NRF1: variants seen among roughly 807,000 people sequenced by gnomAD.
NRF1 encodes alpha palindromic-binding protein.
Under a neutral mutation model 58.5 loss-of-function variants are expected in NRF1, and 5 were observed. The observed-to-expected ratio is 0.09, with a 90% confidence interval of 0.04 to 0.18. The LOEUF (loss-of-function observed/expected upper bound fraction) is 0.18. NRF1 is among the 10% of genes least tolerant of loss of function. The probability of loss-of-function intolerance (pLI) is 1.00; values close to 1 mark genes in which losing one functional copy is unlikely to be tolerated. For synonymous variants in NRF1, 224 were observed against 246.7 expected (o/e 0.91, Z 0.86); for missense variants, 288 against 657.7 (o/e 0.44, Z 6.15).
At chr7:129,754,498 A>T (rs1804204740) in intron 10 of NRF1, among the ~76,000 whole-genome samples, 1 of 147,334 alleles carries the variant, frequency 6.8e-6, no homozygotes, top group Admixed American at 6.9e-5. Context: ...AAATGGAAAA[A>T]AGTTGATTTC....
chr7:129,661,273 C>T (rs968876859), intron 2 of NRF1, among the ~76,000 whole-genome samples: 2 of 151,314 alleles, frequency 1.3e-5, no homozygotes, highest in African/African-American at 4.9e-5. Context: ...GCCCTGGAGA[C>T]ATTTTTTCCA....
At chr7:129,708,524 G>A (rs1335334263) in intron 5 of NRF1, among the ~76,000 whole-genome samples, 1 of 152,150 alleles carries the variant, frequency 6.6e-6, no homozygotes, top group East Asian at 1.9e-4. Flanking sequence ...TTAAAGGCCT[G>A]TTTGTTTTCC....
intron 9 of NRF1, among the ~76,000 whole-genome samples, chr7:129,720,906 T>A (rs879325030): frequency 2.6e-5 from 4 of 152,002 alleles, no homozygotes; most frequent in African/African-American, 9.7e-5. Context: ...ATCAGCACTT[T>A]TGGAAAGGAG....
At position 129,614,058 on chromosome 7, in the gene NRF1, C is replaced by A. The variant is rs1374105379; in HGVS notation, c.-7+2234C>A. Among the ~76,000 whole-genome samples the A allele has an allele frequency of 4.2e-4, 64 of 152,170 alleles. 1 individual carries two copies. The highest frequency in any genetic ancestry group is 4.4e-5 in the Non-Finnish European group (3 of 68,036). The stretch of plus-strand genomic sequence containing the variant: ...GCTTAGTAGTCAGTGGTCATAGTCT[C>A]CTGTAACAAAGAAAAGTTCTTATCC... On this transcript the variant is annotated intron_variant, in intron 1 of 10. Transcript: ENST00000393232.
intron 2 of NRF1, among the ~76,000 whole-genome samples, chr7:129,665,746 T>G (rs1385793362): frequency 6.6e-6 from 1 of 152,098 alleles, no homozygotes; most frequent in Non-Finnish European, 1.5e-5. Context: ...CACCTCATCC[T>G]CGTGGACAGG....
At chr7:129,723,164 C>G (rs1051089908) in intron 9 of NRF1, among the ~76,000 whole-genome samples, 2 of 151,968 alleles carry the variant, frequency 1.3e-5, no homozygotes, top group African/African-American at 4.8e-5. Flanking sequence ...AATTTCCAGG[C>G]CGGGTGCGGT....
intron 8 of NRF1, among the ~76,000 whole-genome samples, chr7:129,713,250 C>T (rs1803117623): frequency 2.0e-5 from 3 of 151,932 alleles, no homozygotes; most frequent in Admixed American, 1.3e-4. Flanking sequence ...ACCACCATGC[C>T]CAGCTAATTT....
intron 4 of NRF1, among the ~76,000 whole-genome samples, chr7:129,678,105 G>A (rs1802225382): frequency 6.6e-6 from 1 of 152,042 alleles, no homozygotes; most frequent in Non-Finnish European, 1.5e-5. Flanking sequence ...TAATTCCAAG[G>A]TGTCAACTTC....
intron 1 of NRF1, among the ~76,000 whole-genome samples, chr7:129,651,453 G>A (rs1259351452): frequency 4.7e-5 from 7 of 150,442 alleles, no homozygotes; most frequent in African/African-American, 7.3e-5. Context: ...AGAGGCCAAA[G>A]AATGGGAGAG....
chr7:129,616,469 A>G (rs1800662181), intron 1 of NRF1, among the ~76,000 whole-genome samples: 1 of 152,224 alleles, frequency 6.6e-6, no homozygotes, highest in Admixed American at 6.5e-5. Flanking sequence ...GTATGGTGGC[A>G]TATGCCTATA....
At chr7:129,745,733 TG>T (rs1237349837) in intron 10 of NRF1, among the ~76,000 whole-genome samples, 2 of 152,124 alleles carry the variant, frequency 1.3e-5, no homozygotes, top group African/African-American at 4.8e-5. Context: ...TAAACCATGG[TG>T]GTTCTGAATA....
At chr7:129,691,131 C>T (rs1019037993) in intron 5 of NRF1, among the ~76,000 whole-genome samples, 15 of 152,058 alleles carry the variant, frequency 9.9e-5, no homozygotes, top group Non-Finnish European at 2.1e-4. Flanking sequence ...TCAAGCGATC[C>T]TCCTGCCTCA....
intron 10 of NRF1, among the ~76,000 whole-genome samples, chr7:129,729,275 G>A (rs909967017): frequency 4.6e-5 from 7 of 152,120 alleles, no homozygotes; most frequent in Admixed American, 2.0e-4. Flanking sequence ...AAGTAGAACC[G>A]TTCAGCCATA....
intron 4 of NRF1, among the ~76,000 whole-genome samples, chr7:129,688,613 G>A (rs1408013199): frequency 1.3e-5 from 2 of 152,052 alleles, no homozygotes; most frequent in Non-Finnish European, 2.9e-5. Flanking sequence ...GTTCCACATG[G>A]CTAGGGAGGC....
chr7:129,663,261 C>T (rs186704959), intron 2 of NRF1, among the ~76,000 whole-genome samples: 27 of 152,326 alleles, frequency 1.8e-4, no homozygotes, highest in Admixed American at 4.6e-4. Context: ...TCTCGATGGT[C>T]GCTGTCTCTT....
intron 5 of NRF1, among the ~76,000 whole-genome samples, chr7:129,703,754 G>A (rs1046568015): frequency 6.6e-6 from 1 of 152,166 alleles, no homozygotes; most frequent in South Asian, 2.1e-4. Context: ...TAAAAGCTAT[G>A]ATCTGCTCCT....
intron 5 of NRF1, among the ~76,000 whole-genome samples, chr7:129,701,619 A>G (rs989653591): frequency 1.3e-5 from 2 of 151,844 alleles, no homozygotes; most frequent in Non-Finnish European, 2.9e-5. Context: ...AGAAAAAAAA[A>G]AGAGAGAAAA....
chr7:129,728,278 G>A (rs961486185), intron 10 of NRF1, among the ~76,000 whole-genome samples: 14 of 152,126 alleles, frequency 9.2e-5, no homozygotes, highest in African/African-American at 3.1e-4. Flanking sequence ...CAGCACTTTG[G>A]GAAGCCAAAG....
At chr7:129,663,547 G>A (rs1318206660) in intron 2 of NRF1, among the ~76,000 whole-genome samples, 1 of 148,592 alleles carries the variant, frequency 6.7e-6, no homozygotes, top group Non-Finnish European at 1.5e-5. Context: ...CGGGCAGAGG[G>A]CTGCTCACAT....
Sources: gnomAD v4.1 joint callset for allele counts (sites outside exome capture counted in the v4.1 genomes callset) on GRCh38, gnomAD v4.1.1 for gene constraint, MANE v1.5 for transcripts, NCBI Gene and HGNC (gene_info 2026-07-23, HGNC 2026-07-21) for gene names.